Variants in CYP2B6 observed in about 807,000 individuals in gnomAD.
CYP2B6 encodes cytochrome P450 family 2 subfamily B member 6, also known as cytochrome P450 2B6.
In CYP2B6, 35 loss-of-function variants were observed where a neutral mutation model predicts 43.4. That is an observed-to-expected ratio of 0.81 (90% CI 0.62 to 1.07). The LOEUF (loss-of-function observed/expected upper bound fraction) is 1.07, where lower values mean the gene tolerates loss of function less well. CYP2B6 is among the 50% of genes least tolerant of loss of function. CYP2B6 has a pLI of 0.00. For synonymous variants in CYP2B6, 239 were observed against 239.2 expected (o/e 1.00, Z 0.01); for missense variants, 624 against 632.8 (o/e 0.99, Z 0.15).
intron 1 of CYP2B6, among the ~76,000 whole-genome samples, chr19:41,003,624 G>C (rs959780306): frequency 6.6e-6 from 1 of 152,108 alleles, no homozygotes; most frequent in Non-Finnish European, 1.5e-5. Context: ...ACCCTGGCTG[G>C]GCCACCCATT....
chr19:40,996,504 G>T (rs1969001668), intron 1 of CYP2B6, among the ~76,000 whole-genome samples: 1 of 152,268 alleles, frequency 6.6e-6, no homozygotes. Flanking sequence ...ATTAACTCCA[G>T]CTTCAAGTGT....
In CYP2B6 at chr19:41,004,380, C is replaced by T. The variant is rs535039125; in HGVS notation, c.418C>T (p.Arg140Trp). ...TTMRDFGMGK[R>W]SVEERIQEEA... ...TATGAGGGACTTCGGGATGGGAAAG[C>T]GGAGTGTGGAGGAGCGGATTCAGGA... Residue 140 changes from arginine to tryptophan, a missense_variant, in exon 3 of 9, where the codon CGG becomes TGG. Arg to Trp is a moderately radical substitution (Grantham distance 101). Transcript: ENST00000324071. 66 of 1,613,874 alleles carry T rather than the reference C, an allele frequency of 4.1e-5. No individual in the cohort carries two copies. In the Admixed American group the frequency reaches 5.5e-4, roughly 13 times the overall value.
At chr19:41,003,509 T>C (rs1969128104) in intron 1 of CYP2B6, among the ~76,000 whole-genome samples, 1 of 152,174 alleles carries the variant, frequency 6.6e-6, no homozygotes, top group African/African-American at 2.4e-5. Flanking sequence ...TAACTGAAAC[T>C]GCAAAAAGCA....
chr19:41,009,340 T>A lies in CYP2B6; in HGVS notation c.767T>A (p.Leu256Gln). 1 of 1,603,788 alleles carries A rather than the reference T, an allele frequency of 6.2e-7. No individual in the cohort carries two copies. The highest frequency in any genetic ancestry group is 8.5e-7 in the Non-Finnish European group (1 of 1,172,438). The change falls in exon 5 of 9, where the codon CTG becomes CAG. Residue 256 changes from leucine to glutamine, a missense_variant. Physicochemically the swap from Leu to Gln is moderately radical, Grantham distance 113. Coordinates refer to ENST00000324071, the MANE Select transcript of CYP2B6 (RefSeq NM_000767.5). Reference sequence around the variant, plus strand: ...AGTGTGGAGAAGCACCGTGAAACCCTGGACCCCAGCGCCCCCAAGGACCTC... The same window carrying A: ...AGTGTGGAGAAGCACCGTGAAACCCAGGACCCCAGCGCCCCCAAGGACCTC... ...GHSVEKHRET[L>Q]DPSAPKDLID...
intron 3 of CYP2B6, among the ~76,000 whole-genome samples, chr19:41,005,651 C>T (rs140058985): frequency 2.0e-5 from 3 of 151,838 alleles, no homozygotes; most frequent in East Asian, 1.9e-4. Context: ...CTTGGTAGCA[C>T]GTGCCTTTAA....
At chr19:41,001,636 A>C (rs576524070) in intron 1 of CYP2B6, among the ~76,000 whole-genome samples, 1 of 152,134 alleles carries the variant, frequency 6.6e-6, no homozygotes, top group African/African-American at 2.4e-5. Context: ...CTAGTATATA[A>C]TAAGTGCTCA....
intron 1 of CYP2B6, among the ~76,000 whole-genome samples, chr19:40,993,189 A>G (rs16974794): frequency 0.081 from 12,250 of 152,148 alleles, 1,670 homozygotes; most frequent in African/African-American, 0.28. Flanking sequence ...CTGGTAACAT[A>G]TAGTATCCTG....
chr19:41,010,325 A>G (rs1445542745), intron 6 of CYP2B6, among the ~76,000 whole-genome samples, 190 bp downstream of exon 6: 1 of 152,008 alleles, frequency 6.6e-6, no homozygotes, highest in Non-Finnish European at 1.5e-5. Flanking sequence ...GAATCTGTCC[A>G]TGCGTTCTCC....
At position 41,012,718 on chromosome 19, in the gene CYP2B6, A is replaced by G. The variant is rs1425807832; in HGVS notation, c.1197A>G (p.Pro399=). 4 of 1,614,102 alleles carry G rather than the reference A, an allele frequency of 2.5e-6. No homozygotes were observed. Among genetic ancestry groups the G allele is most frequent in the Admixed American group, 1.7e-5 (1 of 60,010 alleles). The change falls in exon 8 of 9, where the codon CCA becomes CCG. Residue 399 remains proline, a synonymous_variant. Coordinates refer to ENST00000324071, the MANE Select transcript of CYP2B6 (RefSeq NM_000767.5). ...FLILSTALHD[P]HYFEKPDAFN... ...TCCTGAGCACTGCTCTCCATGACCC[A>G]CACTACTTTGAAAAACCAGACGCCT...
At chr19:41,007,247 G>T in intron 4 of CYP2B6, 182 bp downstream of exon 4, 1 of 629,654 alleles carries the variant, frequency 1.6e-6, no homozygotes. Flanking sequence ...CAGGGATAGA[G>T]ACACTGAGAG....
intron 6 of CYP2B6, among the ~76,000 whole-genome samples, chr19:41,011,288 C>T (rs577783041): frequency 1.3e-3 from 196 of 152,282 alleles, no homozygotes; most frequent in African/African-American, 4.5e-3. Context: ...TTCAATCCAG[C>T]CTTTCATTTA....
In CYP2B6 at chr19:40,991,389, C is replaced by A; in HGVS notation, c.84C>A (p.Asp28Glu). 6.2e-7 allele frequency: 1 copy of A among 1,614,086 alleles called. No homozygotes were observed. Among genetic ancestry groups the A allele is most frequent in the East Asian group, 2.2e-5 (1 of 44,882 alleles). The change falls in exon 1 of 9, where the codon GAC becomes GAA. Residue 28 changes from aspartate to glutamate, a missense_variant. By Grantham distance (45) the Asp-to-Glu change is conservative (BLOSUM62 2). Transcript: ENST00000324071. ...LLVQRHPNTH[D>E]RLPPGPRPLP... Reference sequence around the variant, plus strand: ...TTCAGCGCCACCCTAACACCCATGACCGCCTCCCACCAGGGCCCCGCCCTC... The same window carrying A: ...TTCAGCGCCACCCTAACACCCATGAACGCCTCCCACCAGGGCCCCGCCCTC...
intron 1 of CYP2B6, 166 bp from the exon 2 acceptor site, chr19:41,003,835 A>T: frequency 3.4e-6 from 3 of 882,574 alleles, no homozygotes; most frequent in Non-Finnish European, 3.7e-6. Flanking sequence ...GGACAGCGTT[A>T]ACCATTAACC....
At chr19:41,011,917 G>C (rs1309976506) in intron 6 of CYP2B6, among the ~76,000 whole-genome samples, 1 of 152,110 alleles carries the variant, frequency 6.6e-6, no homozygotes, top group Non-Finnish European at 1.5e-5. Context: ...TCAATAGAAA[G>C]TAGTGTCCTT....
In CYP2B6 at chr19:41,003,905, G is replaced by T. The variant is rs1360423130; in HGVS notation, c.172-96G>T. Reference sequence around the variant, plus strand: ...CCTGGGGAGGCGGATGTTGGGGAGGGGCTAATTACCAATCTGGTATGTAAG... The same window carrying T: ...CCTGGGGAGGCGGATGTTGGGGAGGTGCTAATTACCAATCTGGTATGTAAG... On this transcript the variant is annotated intron_variant, in intron 1 of 8. Transcript: ENST00000324071. 4 of 1,517,978 alleles carry T rather than the reference G, an allele frequency of 2.6e-6. No homozygotes were observed. The East Asian group carries it at 9.4e-5, about 36-fold the overall frequency. The allele number at this position is 1,517,978 out of a possible 1,614,324, so 94.0% of individuals were successfully genotyped here.
At position 41,010,139 on chromosome 19, in the gene CYP2B6, G is replaced by A; in HGVS notation, c.964+4G>A. On this transcript the variant is annotated splice_donor_region_variant and intron_variant, in intron 6 of 8. Transcript: ENST00000324071. Reference sequence around the variant, plus strand: ...CTCAAATACCCTCATGTTGCAGGTGGGCCAGGGACAGCCAGTCAAGGGGGT... The same window carrying A: ...CTCAAATACCCTCATGTTGCAGGTGAGCCAGGGACAGCCAGTCAAGGGGGT... 1.9e-6 allele frequency: 3 copies of A among 1,612,732 alleles called. No individual in the cohort carries two copies. The highest frequency in any genetic ancestry group is 2.5e-6 in the Non-Finnish European group (3 of 1,179,974).
At chr19:40,998,799 C>T (rs1302136053) in intron 1 of CYP2B6, among the ~76,000 whole-genome samples, 3 of 95,078 alleles carry the variant, frequency 3.2e-5, no homozygotes, top group African/African-American at 1.3e-4. Flanking sequence ...GTATATGTGC[C>T]ACATTTTCTT....
chr19:41,006,872 A>G lies in CYP2B6; in HGVS notation c.485-33A>G, dbSNP rs1420561943. ...CAGCCTGATGTTCCCCAGGCACTTC[A>G]GTCTGTGTCCTTGACCTGCTGCTTC... On this transcript the variant is annotated intron_variant, in intron 3 of 8. Transcript: ENST00000324071. 10 of 1,607,930 alleles carry G rather than the reference A, an allele frequency of 6.2e-6. 1 individual carries two copies. The Admixed American group carries it at 1.5e-4, about 24-fold the overall frequency.
rs1349750277 is a variant in CYP2B6 at position 41,018,103 on chromosome 19, C to G, written c.*1276C>G. ...AGGTGATCCACCCACCTCAGTGTTC[C>G]AAAGTGCTGATATTACAGGCATAAT... On this transcript the variant is annotated 3_prime_UTR_variant, in exon 9 of 9. Coordinates refer to ENST00000324071, the MANE Select transcript of CYP2B6 (RefSeq NM_000767.5). The G allele has an allele frequency of 6.6e-6, 1 of 152,158 alleles. No individual in the cohort carries two copies. Among genetic ancestry groups the G allele is most frequent in the Non-Finnish European group, 1.5e-5 (1 of 68,036 alleles). 9.4% of individuals were successfully genotyped at this position (152,158 alleles called of 1,614,324 possible).
Sources: allele counts gnomAD v4.1 joint callset (sites outside exome capture counted in the v4.1 genomes callset), GRCh38; gene constraint gnomAD v4.1.1; transcripts MANE v1.5; gene names NCBI Gene and HGNC (gene_info 2026-07-23, HGNC 2026-07-21).